The following FYTTD1 variants were observed in gnomAD, a reference collection of about 807,000 sequenced individuals.
FYTTD1 encodes UAP56-interacting factor.
A neutral mutation model predicts 40.9 loss-of-function variants in FYTTD1; 22 were observed. That is an observed-to-expected ratio of 0.54 (90% confidence interval 0.38 to 0.77). The LOEUF is 0.77. Ranked by LOEUF, FYTTD1 falls within the 30% of genes least tolerant of loss-of-function variation. FYTTD1 has a pLI of 0.00. For synonymous variants in FYTTD1, 140 were observed against 137.9 expected (o/e 1.01, Z -0.10); for missense variants, 351 against 392.2 (o/e 0.90, Z 0.89).
intron 4 of FYTTD1, among the ~76,000 whole-genome samples, chr3:197,770,510 T>G (rs745781395): frequency 6.6e-6 from 1 of 152,200 alleles, no homozygotes; most frequent in Non-Finnish European, 1.5e-5. Context: ...GGAATAAAAT[T>G]GCAAAAGCTG....
intron 1 of FYTTD1, chr3:197,750,433 G>C: frequency 2.9e-6 from 3 of 1,020,202 alleles, no homozygotes; most frequent in Non-Finnish European, 3.5e-6. Context: ...AGATCTGCCG[G>C]TTTCCCCGGA....
intron 2 of FYTTD1, among the ~76,000 whole-genome samples, chr3:197,766,457 G>GTGTGTGTGTGTT (rs1177062233): frequency 2.6e-4 from 40 of 151,494 alleles, no homozygotes; most frequent in African/African-American, 9.7e-4. Flanking sequence ...GTGTGTGTGT[G>GTGTGTGTGTGTT]TGTTTGAGAC....
chr3:197,750,269 G>A, intron 1 of FYTTD1, 195 bp downstream of exon 1: 1 of 935,164 alleles, frequency 1.1e-6, no homozygotes, highest in Non-Finnish European at 1.4e-6. Flanking sequence ...GGACCGCGAG[G>A]GACCCGGGCG....
At position 197,784,606 on chromosome 3, in the gene FYTTD1, AC is replaced by A. The variant is rs1460199218; in HGVS notation, c.*2698del. 1.3e-5 allele frequency: 2 copies of A among 152,182 alleles called. No homozygotes were observed. The highest frequency in any genetic ancestry group is 4.8e-5 in the African/African-American group (2 of 41,438). 9.4% of individuals were successfully genotyped at this position (152,182 alleles called of 1,614,324 possible). ...GCCAGGAGCAAGACCAGCCTGGCTA[AC>A]ATAGGGAGACTCTATCTTTACTAAA... On this transcript the variant is annotated 3_prime_UTR_variant, in exon 9 of 9. Transcript: ENST00000241502.
chr3:197,781,171 G>A (rs942223515), intron 8 of FYTTD1, among the ~76,000 whole-genome samples: 2 of 151,944 alleles, frequency 1.3e-5, no homozygotes, highest in Non-Finnish European at 2.9e-5. Context: ...AAAATTAGCC[G>A]GGTGTGGTAG....
chr3:197,749,562 G>C, upstream of FYTTD1: 9 of 1,291,932 alleles, frequency 7.0e-6, no homozygotes, highest in Non-Finnish European at 8.1e-6. Flanking sequence ...CGAAAGGCTC[G>C]TGTGTACCGA....
At chr3:197,769,900 C>T (rs1051277358) in intron 3 of FYTTD1, among the ~76,000 whole-genome samples, 1 of 152,130 alleles carries the variant, frequency 6.6e-6, no homozygotes. Flanking sequence ...AGCCACGATT[C>T]CCCATCACCT....
intron 8 of FYTTD1, among the ~76,000 whole-genome samples, chr3:197,779,074 G>A (rs1006059291): frequency 3.3e-5 from 5 of 152,162 alleles, no homozygotes; most frequent in Non-Finnish European, 5.9e-5. Context: ...TCTGCTGTTC[G>A]ACTATAGCCA....
chr3:197,784,199 C>CT lies in FYTTD1; in HGVS notation c.*2293dup, dbSNP rs1730103608. The CT allele has an allele frequency of 6.6e-6, 1 of 152,406 alleles. No individual in the cohort carries two copies. The highest frequency in any genetic ancestry group is 2.1e-4 in the South Asian group (1 of 4,812). 9.4% of individuals were successfully genotyped at this position (152,406 alleles called of 1,614,324 possible). ...AAAGTTTGTATTTAACGAGGAGGTG[C>CT]TTTACACTGTACTTTTTGGTGTTTT... On this transcript the variant is annotated 3_prime_UTR_variant, in exon 9 of 9. Coordinates refer to ENST00000241502, the MANE Select transcript of FYTTD1 (RefSeq NM_032288.7).
rs577270423 is a variant in FYTTD1, at chr3:197,755,828, A to G, written c.104-598A>G. 9.0e-6 allele frequency: 14 copies of G among 1,551,030 alleles called. No individual in the cohort carries two copies. In the South Asian group the frequency reaches 1.7e-4, roughly 18 times the overall value. ...TTAAAAAATGGAGCCTTCTGTGATTATGGGAAGTAAGTAGGAAAATGGAGG... is the reference window on the plus strand; with the variant it reads ...TTAAAAAATGGAGCCTTCTGTGATTGTGGGAAGTAAGTAGGAAAATGGAGG... On this transcript the variant is annotated intron_variant, in intron 1 of 8. Coordinates refer to ENST00000241502, the MANE Select transcript of FYTTD1 (RefSeq NM_032288.7).
chr3:197,750,288 G>C (rs1728968806), intron 1 of FYTTD1: 5 of 1,043,190 alleles, frequency 4.8e-6, no homozygotes, highest in Non-Finnish European at 6.1e-6. Flanking sequence ...CGTCCCCTCG[G>C]CCGCGGCAGT....
chr3:197,769,706 C>T (rs1258260526), intron 3 of FYTTD1, among the ~76,000 whole-genome samples: 1 of 151,934 alleles, frequency 6.6e-6, no homozygotes, highest in Admixed American at 6.6e-5. Flanking sequence ...TGTTTTGGAA[C>T]TTGGCTTTTT....
At chr3:197,776,533 T>C (rs533752899) in intron 6 of FYTTD1, among the ~76,000 whole-genome samples, 40 of 151,902 alleles carry the variant, frequency 2.6e-4, no homozygotes, top group Admixed American at 2.4e-3. Context: ...AGCAAGGTTT[T>C]TTTTTTACTA....
At chr3:197,780,070 A>G (rs1477354940) in intron 8 of FYTTD1, among the ~76,000 whole-genome samples, 1 of 140,978 alleles carries the variant, frequency 7.1e-6, no homozygotes, top group African/African-American at 2.7e-5. Flanking sequence ...AGGCACACAC[A>G]CCACACCTGG....
At chr3:197,771,496 G>C (rs967461123) in intron 4 of FYTTD1, among the ~76,000 whole-genome samples, 2 of 152,074 alleles carry the variant, frequency 1.3e-5, no homozygotes, top group South Asian at 4.1e-4. Flanking sequence ...CAAAAATTAG[G>C]CCGGGTGCGG....
At chr3:197,781,634 A>C (rs902263376) in intron 8 of FYTTD1, among the ~76,000 whole-genome samples, 177 bp from the exon 9 acceptor site, 2 of 152,160 alleles carry the variant, frequency 1.3e-5, no homozygotes, top group Non-Finnish European at 2.9e-5. Flanking sequence ...TGTGTGTTTT[A>C]TATAGTATAT....
rs534978921 is a variant in FYTTD1, at chr3:197,753,913, G to C, written c.104-2513G>C. Among the ~76,000 whole-genome samples, 9 of 151,998 alleles carry C rather than the reference G, an allele frequency of 5.9e-5. No individual in the cohort carries two copies. The East Asian group carries it at 1.7e-3, about 29-fold the overall frequency. Reference sequence around the variant, plus strand: ...CACCGCCACACCCGGCTAATTTTTTGTATTTTTTAGTAGACACAGGGTTTC... The same window carrying C: ...CACCGCCACACCCGGCTAATTTTTTCTATTTTTTAGTAGACACAGGGTTTC... On this transcript the variant is annotated intron_variant, in intron 1 of 8. Coordinates refer to ENST00000241502, the MANE Select transcript of FYTTD1 (RefSeq NM_032288.7).
chr3:197,774,058 C>T (rs1195886331), intron 5 of FYTTD1, 91 bp from the exon 6 acceptor site: 23 of 1,061,726 alleles, frequency 2.2e-5, no homozygotes, highest in African/African-American at 4.7e-5. Flanking sequence ...TGTACACGCA[C>T]CACTGGGTTA....
chr3:197,776,205 A>ATT (rs546104827), intron 6 of FYTTD1, among the ~76,000 whole-genome samples: 38 of 139,444 alleles, frequency 2.7e-4, no homozygotes, highest in African/African-American at 3.9e-4. Flanking sequence ...CATCATAGCA[A>ATT]TTTTTTTTTT....
Sources: allele counts gnomAD v4.1 joint callset (sites outside exome capture counted in the v4.1 genomes callset), GRCh38; gene constraint gnomAD v4.1.1; transcripts MANE v1.5; gene names NCBI Gene and HGNC (gene_info 2026-07-23, HGNC 2026-07-21).